Variants in PTPRU observed in about 807,000 individuals in gnomAD.
PTPRU encodes protein tyrosine phosphatase receptor type U.
PTPRU carries 69 observed loss-of-function variants against 166.3 expected under a neutral mutation model. The observed-to-expected ratio is 0.41, with a 90% confidence interval of 0.34 to 0.51. The LOEUF is 0.51. Ranked by LOEUF, PTPRU falls within the 20% of genes least tolerant of loss-of-function variation. The pLI is 0.09. For synonymous variants in PTPRU, 793 were observed against 814.0 expected, an observed-to-expected ratio of 0.97 and a Z score of 0.44; for missense variants, 1,657 against 2,013.7, an observed-to-expected ratio of 0.82 and a Z score of 3.39.
intron 18 of PTPRU, among the ~76,000 whole-genome samples, chr1:29,306,088 G>T (rs2235938): frequency 0.47 from 71,548 of 151,992 alleles, 17,204 homozygotes; most frequent in East Asian, 0.69. Flanking sequence ...AAGAAAGGAC[G>T]CAAATCTCAG....
chr1:29,317,929 C>G lies in PTPRU; in HGVS notation c.3687+8C>G. On this transcript the variant is annotated splice_region_variant and intron_variant, in intron 25 of 29. Coordinates refer to ENST00000373779, the MANE Select transcript of PTPRU (RefSeq NM_133178.4). The surrounding 1 kb of genome is among the most constrained non-coding windows in gnomAD (Gnocchi z 5.6). ...AATGCAGCCCTGACTGACGTGAGAG[C>G]TTGGGGTGGAGTGGGCTCTGGGGCT... is the stretch of plus-strand genomic sequence containing the variant. The G allele has an allele frequency of 9.9e-6, 16 of 1,613,490 alleles. No homozygotes were observed. The highest frequency in any genetic ancestry group is 1.4e-5 in the Non-Finnish European group (16 of 1,179,918).
Position 29,260,358 on chromosome 1 carries a change from G to T in PTPRU, c.851-252G>T. On this transcript the variant is annotated intron_variant, in intron 6 of 29. Transcript: ENST00000373779. This position sits in a 1 kb window ranked among gnomAD's most constrained non-coding sequence, Gnocchi z 8.3. ...GGTCCGCTCCAGGAGGCGAGGATGT[G>T]GGGGATTAGGAGGGGCCTGAGAGAG... 1 of 474,820 alleles carries T rather than the reference G, an allele frequency of 2.1e-6. No homozygotes were observed. The highest frequency in any genetic ancestry group is 3.6e-6 in the Non-Finnish European group (1 of 275,920). The allele number at this position is 474,820 out of a possible 1,614,324, so 29.4% of individuals were successfully genotyped here. A position where few individuals can be genotyped will look rare whatever the true frequency, so the allele number is the denominator to read the frequency against.
At chr1:29,286,436 A>G (rs1478122919) in intron 14 of PTPRU, among the ~76,000 whole-genome samples, 1 of 152,022 alleles carries the variant, frequency 6.6e-6, no homozygotes, top group Admixed American at 6.5e-5. Context: ...AGAAACTGTA[A>G]TGAAAGCACC....
At chr1:29,249,713 C>T (rs899823759) in intron 1 of PTPRU, among the ~76,000 whole-genome samples, 19 of 152,218 alleles carry the variant, frequency 1.2e-4, no homozygotes, top group African/African-American at 3.9e-4. Flanking sequence ...CAGTTTCTGA[C>T]ATCTGACTCT....
rs545473119 is a variant in PTPRU at position 29,279,698 on chromosome 1, C to T, written c.1765+41C>T. 103 of 1,587,796 alleles carry T rather than the reference C, an allele frequency of 6.5e-5. 1 individual carries two copies. The highest frequency in any genetic ancestry group is 5.6e-4 in the South Asian group (51 of 90,604). On this transcript the variant is annotated intron_variant, in intron 10 of 29. Coordinates refer to ENST00000373779, the MANE Select transcript of PTPRU (RefSeq NM_133178.4). This position sits in a 1 kb window ranked among gnomAD's most constrained non-coding sequence, Gnocchi z 5.2. ...CCCGGCCCAGCCTCTTCGGAGGTGG[C>T]CCAGAATCCCAGGGTTCCATGGGCA...
In PTPRU at chr1:29,236,658, A is replaced by T; in HGVS notation, c.14A>T (p.Gln5Leu). The stretch of plus-strand genomic sequence containing the variant: ...GACGCTCCAACCATGGCCCGTGCCC[A>T]GGCGCTCGTGCTGGCACTCACCTTC... MARA[Q>L]ALVLALTFQL... The change falls in exon 1 of 30, where the codon CAG (glutamine) becomes CTG (leucine). Residue 5 changes from glutamine to leucine, a missense_variant. Physicochemically the swap from Gln to Leu is moderately radical, Grantham distance 113. This residue lies in a region of PTPRU where 453 missense variants were observed against 496.9 expected (regional missense o/e 0.91). Coordinates refer to ENST00000373779, the MANE Select transcript of PTPRU (RefSeq NM_133178.4). This position sits in a 1 kb window ranked among gnomAD's most constrained non-coding sequence, Gnocchi z 4.6. 7.0e-7 allele frequency: 1 copy of T among 1,423,804 alleles called. No individual in the cohort carries two copies. The highest frequency in any genetic ancestry group is 9.2e-7 in the Non-Finnish European group (1 of 1,086,946). 88.2% of individuals were successfully genotyped at this position (1,423,804 alleles called of 1,614,324 possible).
intron 7 of PTPRU, among the ~76,000 whole-genome samples, chr1:29,262,629 T>A (rs1020976779): frequency 1.3e-5 from 2 of 152,164 alleles, no homozygotes; most frequent in Non-Finnish European, 2.9e-5. Context: ...AAAAACATAG[T>A]TTATCTAGGG....
At position 29,297,398 on chromosome 1, in the gene PTPRU, CAG is replaced by C. The variant is rs1178960474; in HGVS notation, c.2476+5375_2476+5376del. Among the ~76,000 whole-genome samples the C allele has an allele frequency of 5.3e-5, 8 of 152,144 alleles. No individual in the cohort carries two copies. In the East Asian group the frequency reaches 7.7e-4, roughly 15 times the overall value. Reference sequence around the variant, plus strand: ...ACCCTTCAGCTTACAAATCAGGAAACAGAGGCTTGGAGAGGGGAAGTCACTTG... The same window carrying C: ...ACCCTTCAGCTTACAAATCAGGAAACAGGCTTGGAGAGGGGAAGTCACTTG... On this transcript the variant is annotated intron_variant, in intron 15 of 29. Coordinates refer to ENST00000373779, the MANE Select transcript of PTPRU (RefSeq NM_133178.4).
At position 29,281,970 on chromosome 1, in the gene PTPRU, T is replaced by G. The variant is rs535555111; in HGVS notation, c.1869-706T>G. 2.7e-3 allele frequency among the ~76,000 whole-genome samples: 412 copies of G among 152,270 alleles called. 3 individuals are homozygous for G. The highest frequency in any genetic ancestry group is 9.4e-3 in the African/African-American group (392 of 41,552). ...AGCAGAAACCTATTTAGTAAAGAGATAAAATAGAAACACAGCTGGGACCAG... is the reference window on the plus strand; with the variant it reads ...AGCAGAAACCTATTTAGTAAAGAGAGAAAATAGAAACACAGCTGGGACCAG... On this transcript the variant is annotated intron_variant, in intron 11 of 29. Coordinates refer to ENST00000373779, the MANE Select transcript of PTPRU (RefSeq NM_133178.4).
At chr1:29,316,994 T>G (rs943131043) in intron 24 of PTPRU, among the ~76,000 whole-genome samples, 3 of 152,056 alleles carry the variant, frequency 2.0e-5, no homozygotes, top group African/African-American at 7.2e-5. Flanking sequence ...CACTCCAGGG[T>G]TCCTGCAGTG....
At position 29,317,263 on chromosome 1, in the gene PTPRU, C is replaced by T. The variant is rs72886221; in HGVS notation, c.3514-485C>T. On this transcript the variant is annotated intron_variant, in intron 24 of 29. Coordinates refer to ENST00000373779, the MANE Select transcript of PTPRU (RefSeq NM_133178.4). The surrounding 1 kb of genome is among the most constrained non-coding windows in gnomAD (Gnocchi z 5.6). ...GGACTTCATTCTGTTCAGACAGGGC[C>T]GTGACCAAGGAACGTGACCCCCTCT... Among the ~76,000 whole-genome samples the T allele has an allele frequency of 0.015, 2,329 of 152,162 alleles. 74 individuals are homozygous for T. The highest frequency in any genetic ancestry group is 0.053 in the African/African-American group (2,214 of 41,494).
intron 14 of PTPRU, among the ~76,000 whole-genome samples, chr1:29,290,514 G>A (rs567302348): frequency 6.6e-6 from 1 of 152,290 alleles, no homozygotes; most frequent in African/African-American, 2.4e-5. Flanking sequence ...CATTCCTCCT[G>A]CCCCTGTGCT....
In PTPRU at chr1:29,275,461, C is replaced by T. The variant is rs142038734; in HGVS notation, c.1158C>T (p.Ala386=). 5 of 1,613,402 alleles carry T rather than the reference C, an allele frequency of 3.1e-6. No individual in the cohort carries two copies. In the African/African-American group the frequency reaches 4.0e-5, roughly 13 times the overall value. The stretch of plus-strand genomic sequence containing the variant: ...TGCATTCTCCAGAGCCCATGAGGGC[C>T]CCCAAAGGCCTGGCTTTTGCTGAGA... ...SRTKCAEPMR[A]PKGLAFAEIQ... is the part of the protein sequence containing the mutation. Residue 386 remains alanine, a synonymous_variant, in exon 8 of 30, where the codon GCC becomes GCT. Transcript: ENST00000373779.
In PTPRU at chr1:29,307,123, A is replaced by G. The variant is rs1210659364; in HGVS notation, c.2820+1695A>G. On this transcript the variant is annotated intron_variant, in intron 18 of 29. Coordinates refer to ENST00000373779, the MANE Select transcript of PTPRU (RefSeq NM_133178.4). Reference sequence around the variant, plus strand: ...TTTGTACTGTTTCCTCACTGGAATCATTAAGATTCGGATAAACCGAGAAGT... The same window carrying G: ...TTTGTACTGTTTCCTCACTGGAATCGTTAAGATTCGGATAAACCGAGAAGT... 5 of 1,613,432 alleles carry G rather than the reference A, an allele frequency of 3.1e-6. No individual in the cohort carries two copies. The East Asian group carries it at 6.7e-5, about 22-fold the overall frequency.
chr1:29,311,262 C>T lies in PTPRU; in HGVS notation c.2858-194C>T, dbSNP rs1485938849. On this transcript the variant is annotated intron_variant, in intron 19 of 29. Coordinates refer to ENST00000373779, the MANE Select transcript of PTPRU (RefSeq NM_133178.4). This position sits in a 1 kb window ranked among gnomAD's most constrained non-coding sequence, Gnocchi z 4.1. ...TGAGCGGGCTCTTTAGCCAGGCCCTCTCCTGATGCTACCCAACCTCAGGGC... is the reference window on the plus strand; with the variant it reads ...TGAGCGGGCTCTTTAGCCAGGCCCTTTCCTGATGCTACCCAACCTCAGGGC... The T allele has an allele frequency of 8.2e-6, 5 of 613,300 alleles. No homozygotes were observed. The highest frequency in any genetic ancestry group is 2.9e-5 in the Admixed American group (1 of 34,412). The allele number at this position is 613,300 out of a possible 1,614,324, so 38.0% of individuals were successfully genotyped here. A position where few individuals can be genotyped will look rare whatever the true frequency, so the allele number is the denominator to read the frequency against.
At chr1:29,255,495 A>C in intron 2 of PTPRU, 89 bp downstream of exon 2, 1 of 1,544,930 alleles carries the variant, frequency 6.5e-7, no homozygotes, top group African/African-American at 1.4e-5. Context: ...CACATTACTT[A>C]ACCTCTCTGG....
Position 29,279,402 on chromosome 1 carries a change from G to A in PTPRU, c.1564-54G>A, listed in dbSNP as rs1685957014. The A allele has an allele frequency of 2.6e-6, 4 of 1,549,390 alleles. No individual in the cohort carries two copies. In the South Asian group the frequency reaches 4.5e-5, roughly 17 times the overall value. ...GGGACATGGTGGGTGGAGGCTGCTG[G>A]TCAGGGATGCTCTGACCATCCAGTG... is the stretch of plus-strand genomic sequence containing the variant. On this transcript the variant is annotated intron_variant, in intron 9 of 29. Coordinates refer to ENST00000373779, the MANE Select transcript of PTPRU (RefSeq NM_133178.4). This position sits in a 1 kb window ranked among gnomAD's most constrained non-coding sequence, Gnocchi z 5.2.
Position 29,236,527 on chromosome 1 carries a change from C to G in PTPRU, c.-118C>G, listed in dbSNP as rs1383145066. ...CGCGCTCTGGACTCGGCGCCAGTCC[C>G]GCTCCGCGCCGCGCCGCTCCGCTCC... is the stretch of plus-strand genomic sequence containing the variant. On this transcript the variant is annotated 5_prime_UTR_variant, in exon 1 of 30. Coordinates refer to ENST00000373779, the MANE Select transcript of PTPRU (RefSeq NM_133178.4). The surrounding 1 kb of genome is among the most constrained non-coding windows in gnomAD (Gnocchi z 4.6). 1.2e-5 allele frequency: 9 copies of G among 780,512 alleles called. No individual in the cohort carries two copies. The highest frequency in any genetic ancestry group is 1.4e-4 in the East Asian group (2 of 14,450). The allele number at this position is 780,512 out of a possible 1,614,324, so 48.3% of individuals were successfully genotyped here.
intron 1 of PTPRU, among the ~76,000 whole-genome samples, chr1:29,245,120 G>A (rs573955503): frequency 4.2e-4 from 64 of 152,296 alleles, no homozygotes; most frequent in African/African-American, 1.4e-3. Flanking sequence ...GCCCTGGGCT[G>A]GGGGCCAGGG....
Sources: allele counts gnomAD v4.1 joint callset (sites outside exome capture counted in the v4.1 genomes callset), GRCh38; gene constraint gnomAD v4.1.1; regional missense constraint gnomAD v4.1.1; non-coding constraint Gnocchi (gnomAD v3.1); transcripts MANE v1.5; gene names NCBI Gene and HGNC (gene_info 2026-07-23, HGNC 2026-07-21).